The following GPHN variants were observed in gnomAD, a reference collection of about 807,000 sequenced individuals.
GPHN encodes the protein gephyrin.
In GPHN, 17 loss-of-function variants were observed where a neutral mutation model predicts 95.5. That is an observed-to-expected ratio of 0.18 (90% confidence interval 0.12 to 0.27). The LOEUF is 0.27. Ranked by LOEUF, GPHN falls within the 10% of genes least tolerant of loss-of-function variation. GPHN has a pLI of 1.00. For synonymous variants in GPHN, 320 were observed against 322.5 expected (o/e 0.99, Z 0.08); for missense variants, 660 against 978.1 (o/e 0.67, Z 4.34).
chr14:67,500,573 A>ATTT, the GPHN span, among the ~76,000 whole-genome samples: 1 of 138,850 alleles, frequency 7.2e-6, no homozygotes, highest in African/African-American at 2.7e-5. Context: ...GTGCATTTGG[A>ATTT]TTTTTTTTTT....
At chr14:67,077,902 T>A (rs1024193914) in intron 11 of GPHN, among the ~76,000 whole-genome samples, 2 of 152,188 alleles carry the variant, frequency 1.3e-5, no homozygotes, top group African/African-American at 4.8e-5. Flanking sequence ...CCGCCTGAGA[T>A]CACTTAATTG....
At chr14:66,845,853 GTGTGTGTC>G (rs1332503764) in intron 4 of GPHN, among the ~76,000 whole-genome samples, 1,549 of 151,442 alleles carry the variant, frequency 0.01, 14 homozygotes, top group Middle Eastern at 0.017. Context: ...GTGTGTGTGT[GTGTGTGTC>G]TGTGTGCGTG....
chr14:67,454,454 T>C, the GPHN span: 43,604 of 152,144 alleles, frequency 0.29, 7,349 homozygotes, highest in African/African-American at 0.47. Context: ...CTCACCTTCG[T>C]GTCTCCTTCT....
chr14:67,473,308 G>A, the GPHN span: 1 of 1,457,944 alleles, frequency 6.9e-7, no homozygotes, highest in African/African-American at 1.4e-5. The surrounding 1 kb of genome is among the most constrained non-coding windows in gnomAD (Gnocchi z 6.5). Context: ...CTATAGGGCT[G>A]AGGCTTGGCC....
chr14:66,624,407 TG>T (rs1431216826), intron 1 of GPHN, among the ~76,000 whole-genome samples: 4 of 152,218 alleles, frequency 2.6e-5, no homozygotes, highest in African/African-American at 9.6e-5. Flanking sequence ...GATGTTAAAT[TG>T]ACCTTGTGGG....
At chr14:67,301,267 A>T in the GPHN span, 20 of 498,806 alleles carry the variant, frequency 4.0e-5, 1 homozygote, top group South Asian at 1.0e-3. Flanking sequence ...CTTTTTAGTG[A>T]TTTTATTTCT....
chr14:67,045,204 C>T (rs1428496232), intron 10 of GPHN, among the ~76,000 whole-genome samples: 1 of 152,200 alleles, frequency 6.6e-6, no homozygotes, highest in Non-Finnish European at 1.5e-5. Flanking sequence ...CATGACCAAG[C>T]CCTGTCCGTT....
At chr14:66,846,791 T>A (rs2062357140) in intron 4 of GPHN, among the ~76,000 whole-genome samples, 1 of 152,098 alleles carries the variant, frequency 6.6e-6, no homozygotes, top group African/African-American at 2.4e-5. Flanking sequence ...AGAAAATGGG[T>A]ATAGGTAAGT....
At chr14:67,074,310 A>G (rs933150008) in intron 11 of GPHN, among the ~76,000 whole-genome samples, 9 of 151,996 alleles carry the variant, frequency 5.9e-5, no homozygotes, top group African/African-American at 2.2e-4. Flanking sequence ...TAATTCTCAC[A>G]ATAATTCATA....
At chr14:66,749,688 G>C (rs968477015) in intron 2 of GPHN, among the ~76,000 whole-genome samples, 1 of 151,798 alleles carries the variant, frequency 6.6e-6, no homozygotes, top group African/African-American at 2.4e-5. Flanking sequence ...TTTCAATAGA[G>C]TTGTTCATTT....
the GPHN span, chr14:67,586,943 C>T: frequency 6.5e-7 from 1 of 1,544,180 alleles, no homozygotes. Flanking sequence ...TGGATATTTT[C>T]TCCCAGGTGG....
intron 11 of GPHN, among the ~76,000 whole-genome samples, chr14:67,066,438 G>C (rs1211838862): frequency 6.6e-6 from 1 of 152,064 alleles, no homozygotes; most frequent in Admixed American, 6.5e-5. Context: ...GTATCTTTGT[G>C]GTGTTCTCTG....
At chr14:67,002,267 A>G (rs1225482016) in intron 9 of GPHN, among the ~76,000 whole-genome samples, 1 of 149,912 alleles carries the variant, frequency 6.7e-6, no homozygotes, top group Admixed American at 6.6e-5. Flanking sequence ...TTGTTATTTA[A>G]AGACGCACTT....
At chr14:67,697,564 A>G in the GPHN span, among the ~76,000 whole-genome samples, 1 of 152,220 alleles carries the variant, frequency 6.6e-6, no homozygotes, top group Non-Finnish European at 1.5e-5. Context: ...CTTAATTCCC[A>G]TAACAACTCT....
the GPHN span, among the ~76,000 whole-genome samples, chr14:67,223,228 G>A: frequency 6.6e-6 from 1 of 152,110 alleles, no homozygotes; most frequent in Non-Finnish European, 1.5e-5. Context: ...TCGAACTCCT[G>A]ACCTCAAGTG....
chr14:67,071,965 T>C (rs2076329202), intron 11 of GPHN, among the ~76,000 whole-genome samples: 4 of 152,164 alleles, frequency 2.6e-5, no homozygotes, highest in African/African-American at 9.6e-5. Flanking sequence ...CAGCTTTTAT[T>C]GACTATACTT....
At chr14:67,633,486 C>T in the GPHN span, among the ~76,000 whole-genome samples, 4 of 152,236 alleles carry the variant, frequency 2.6e-5, no homozygotes, top group African/African-American at 9.6e-5. Flanking sequence ...GTCTCTAACA[C>T]ATCAATGTCA....
chr14:67,660,415 T>A, the GPHN span, among the ~76,000 whole-genome samples: 1 of 152,008 alleles, frequency 6.6e-6, no homozygotes, highest in South Asian at 2.1e-4. Context: ...TATATATATA[T>A]AAAAAATTAA....
chr14:66,957,677 T>A (rs2068620163), intron 8 of GPHN, among the ~76,000 whole-genome samples: 1 of 152,180 alleles, frequency 6.6e-6, no homozygotes, highest in Admixed American at 6.5e-5. Flanking sequence ...AGTGTTCCTA[T>A]ATGGCTGCTA....
Sources: allele counts gnomAD v4.1 joint callset (sites outside exome capture counted in the v4.1 genomes callset), GRCh38; gene constraint gnomAD v4.1.1; non-coding constraint Gnocchi (gnomAD v3.1); transcripts MANE v1.5; gene names NCBI Gene and HGNC (gene_info 2026-07-23, HGNC 2026-07-21).